C10orf90: variants seen among roughly 807,000 people sequenced by gnomAD.
The protein encoded by C10orf90 is chromosome 10 open reading frame 90.
In C10orf90, 56 loss-of-function variants were observed where a neutral mutation model predicts 62.5. That is an observed-to-expected ratio of 0.90 (90% CI 0.72 to 1.12). C10orf90 has a LOEUF of 1.12. C10orf90 is among the 50% of genes most tolerant of loss of function. The pLI, the probability that C10orf90 is intolerant of heterozygous loss-of-function variation, is 0.00. For missense variants in C10orf90, 970 were observed against 880.4 expected, an observed-to-expected ratio of 1.10 and a Z score of -1.29; for synonymous variants, 386 against 340.4, an observed-to-expected ratio of 1.13 and a Z score of -1.47.
intron 7 of C10orf90, among the ~76,000 whole-genome samples, chr10:126,441,913 C>A (rs1220149071): frequency 6.6e-6 from 1 of 152,082 alleles, no homozygotes; most frequent in Admixed American, 6.6e-5. Context: ...CCTGGAAACA[C>A]ATCAAAACAG....
chr10:126,632,514 C>T (rs1845870493), intron 2 of C10orf90, among the ~76,000 whole-genome samples: 1 of 151,502 alleles, frequency 6.6e-6, no homozygotes, highest in South Asian at 2.1e-4. Flanking sequence ...CATTTTATAC[C>T]ATTCTCATGT....
chr10:126,584,750 C>T (rs1844826321), intron 2 of C10orf90, among the ~76,000 whole-genome samples: 1 of 152,136 alleles, frequency 6.6e-6, no homozygotes, highest in Non-Finnish European at 1.5e-5. Context: ...GGTTGAGATA[C>T]TATCTCTCTT....
At chr10:126,476,093 C>A (rs1226137300) in intron 4 of C10orf90, among the ~76,000 whole-genome samples, 1 of 152,100 alleles carries the variant, frequency 6.6e-6, no homozygotes, top group Non-Finnish European at 1.5e-5. Flanking sequence ...ATCTAGAAAC[C>A]CCATTTTAGG....
intron 7 of C10orf90, among the ~76,000 whole-genome samples, chr10:126,433,809 A>C (rs903822245): frequency 3.3e-5 from 5 of 152,202 alleles, no homozygotes; most frequent in African/African-American, 1.2e-4. Flanking sequence ...TATAAAATTA[A>C]AGTGGCAGGT....
chr10:126,488,342 A>G (rs1168142314), intron 4 of C10orf90, among the ~76,000 whole-genome samples: 4 of 152,150 alleles, frequency 2.6e-5, no homozygotes, highest in Non-Finnish European at 5.9e-5. Flanking sequence ...TGAGATGAAT[A>G]AAAATGAAAA....
chr10:126,635,297 C>T (rs534754861), intron 2 of C10orf90, among the ~76,000 whole-genome samples: 1 of 152,234 alleles, frequency 6.6e-6, no homozygotes, highest in East Asian at 1.9e-4. Context: ...TTGCTTCTTC[C>T]CATCTTCCAG....
chr10:126,569,763 C>A (rs993989515), intron 2 of C10orf90, among the ~76,000 whole-genome samples: 1 of 151,958 alleles, frequency 6.6e-6, no homozygotes, highest in African/African-American at 2.4e-5. Flanking sequence ...AAAAGAATAG[C>A]CAACCAAAAC....
intron 2 of C10orf90, among the ~76,000 whole-genome samples, chr10:126,636,155 A>T (rs565004264): frequency 6.6e-6 from 1 of 152,268 alleles, no homozygotes; most frequent in African/African-American, 2.4e-5. Flanking sequence ...AAACACAGAA[A>T]TACAATTTGC....
rs754115635 is a variant in C10orf90, at chr10:126,504,146, G to A, written c.1345C>T (p.Arg449Trp). 2.5e-5 allele frequency: 40 copies of A among 1,614,040 alleles called. No individual in the cohort carries two copies. Among genetic ancestry groups the A allele is most frequent in the Middle Eastern group, 1.6e-4 (1 of 6,084 alleles). ...SHLKETPSLR[R>W]VHLGTGACPW... is the part of the protein sequence containing the mutation. Reference sequence around the variant, plus strand: ...CAAGCGCCGGTCCCCAAATGCACCCGCCTCAACGATGGGGTTTCCTTCAAG... The same window carrying A: ...CAAGCGCCGGTCCCCAAATGCACCCACCTCAACGATGGGGTTTCCTTCAAG... Residue 449 changes from arginine (R) to tryptophan (W), a missense_variant, in exon 4 of 10, where the codon CGG (arginine) becomes TGG (tryptophan). By Grantham distance (101) the Arg-to-Trp change is moderately radical. Coordinates refer to ENST00000488181, the MANE Select transcript of C10orf90 (RefSeq NM_001350921.2). This position sits in a 1 kb window ranked among gnomAD's most constrained non-coding sequence, Gnocchi z 4.1.
intron 2 of C10orf90, among the ~76,000 whole-genome samples, chr10:126,532,064 C>T (rs1247082230): frequency 1.3e-5 from 2 of 152,174 alleles, no homozygotes; most frequent in African/African-American, 2.4e-5. Flanking sequence ...AGTTGCCCCC[C>T]ACATCCAGGG....
At chr10:126,561,138 C>T (rs1046375877) in intron 2 of C10orf90, among the ~76,000 whole-genome samples, 1 of 152,186 alleles carries the variant, frequency 6.6e-6, no homozygotes, top group African/African-American at 2.4e-5. Context: ...ACAAACAATT[C>T]AGTCACCATG....
chr10:126,518,589 T>G (rs938957466), intron 2 of C10orf90, among the ~76,000 whole-genome samples: 1 of 152,096 alleles, frequency 6.6e-6, no homozygotes, highest in African/African-American at 2.4e-5. Context: ...CATGCTTTTA[T>G]TTTGAAAGTA....
intron 2 of C10orf90, among the ~76,000 whole-genome samples, chr10:126,591,908 G>T (rs1844987697): frequency 6.6e-6 from 1 of 151,786 alleles, no homozygotes; most frequent in Non-Finnish European, 1.5e-5. Flanking sequence ...CCAAAAACAG[G>T]CAAGCAGAGA....
In C10orf90 at chr10:126,504,979, C is replaced by T. The variant is rs1862642888; in HGVS notation, c.512G>A (p.Cys171Tyr). 1.2e-6 allele frequency: 2 copies of T among 1,614,242 alleles called. No individual in the cohort carries two copies. Among genetic ancestry groups the T allele is most frequent in the Admixed American group, 1.7e-5 (1 of 60,034 alleles). ...RENRASLPLP[C>Y]AIAQSRAHHA... ...ATGTGCACGAGACTGAGCAATGGCA[C>T]ACGGTAGGGGCAAGGAGGCCCTGTT... Residue 171 changes from cysteine to tyrosine, a missense_variant, in exon 4 of 10, where the codon TGT becomes TAT. Physicochemically the swap from Cys to Tyr is radical, Grantham distance 194 (BLOSUM62 -2). Transcript: ENST00000488181. The surrounding 1 kb of genome is among the most constrained non-coding windows in gnomAD (Gnocchi z 4.1).
intron 2 of C10orf90, chr10:126,521,291 G>C: frequency 1.2e-6 from 2 of 1,613,936 alleles, no homozygotes; most frequent in South Asian, 1.1e-5. Context: ...AAAAAAATTA[G>C]AACATACCTT....
intron 7 of C10orf90, among the ~76,000 whole-genome samples, chr10:126,442,015 G>A (rs1207015179): frequency 6.6e-6 from 1 of 151,832 alleles, no homozygotes; most frequent in South Asian, 2.1e-4. Flanking sequence ...AGGTACATAG[G>A]CAATAAACAG....
intron 7 of C10orf90, among the ~76,000 whole-genome samples, chr10:126,457,555 G>A (rs1005496097): frequency 8.5e-5 from 13 of 152,292 alleles, no homozygotes; most frequent in Admixed American, 1.3e-4. Flanking sequence ...GAAGCCCTCC[G>A]TGCCATTTTG....
At chr10:126,604,366 T>C (rs1391397918) in intron 2 of C10orf90, among the ~76,000 whole-genome samples, 1 of 152,232 alleles carries the variant, frequency 6.6e-6, no homozygotes, top group Non-Finnish European at 1.5e-5. Flanking sequence ...CCTGAATTGT[T>C]TGGCTATCTT....
At chr10:126,501,553 AT>A (rs1265498398) in intron 4 of C10orf90, among the ~76,000 whole-genome samples, 1 of 152,036 alleles carries the variant, frequency 6.6e-6, no homozygotes. Flanking sequence ...TAGAGCTGAA[AT>A]TTTTTAAGCT....
Sources: gnomAD v4.1 joint callset for allele counts (sites outside exome capture counted in the v4.1 genomes callset) on GRCh38, gnomAD v4.1.1 for gene constraint, Gnocchi (gnomAD v3.1) non-coding constraint, MANE v1.5 for transcripts, NCBI Gene and HGNC (gene_info 2026-07-23, HGNC 2026-07-21) for gene names.